Variants in FNBP4 observed in about 807,000 individuals in gnomAD.
FNBP4 encodes formin binding protein 4, also known as formin-binding protein 4.
A neutral mutation model predicts 119.3 loss-of-function variants in FNBP4; 34 were observed. The observed-to-expected ratio is 0.28, with a 90% CI of 0.22 to 0.38. The LOEUF (loss-of-function observed/expected upper bound fraction) is 0.38. Ranked by LOEUF, FNBP4 falls within the 10% of genes least tolerant of loss-of-function variation. The pLI is 1.00. For synonymous variants in FNBP4, 462 were observed against 430.6 expected, an observed-to-expected ratio of 1.07 and a Z score of -0.90; for missense variants, 1,112 against 1,228.9, an observed-to-expected ratio of 0.90 and a Z score of 1.42.
At chr11:47,760,913 T>C (rs561536756) in intron 2 of FNBP4, among the ~76,000 whole-genome samples, 5 of 152,250 alleles carry the variant, frequency 3.3e-5, no homozygotes, top group African/African-American at 1.2e-4. Flanking sequence ...GCTACAAAAC[T>C]CAAGTTTATT....
At chr11:47,743,361 T>TG (rs2097584982) in intron 8 of FNBP4, among the ~76,000 whole-genome samples, 1 of 152,034 alleles carries the variant, frequency 6.6e-6, no homozygotes, top group African/African-American at 2.4e-5. Flanking sequence ...CAGGCACCTA[T>TG]AATCCCAGCT....
At chr11:47,742,512 C>T (rs1185066589) in intron 8 of FNBP4, among the ~76,000 whole-genome samples, 14 of 87,888 alleles carry the variant, frequency 1.6e-4, no homozygotes, top group East Asian at 7.5e-4. Context: ...AAAAGGACCA[C>T]GGGGTAGGGA....
At chr11:47,763,464 G>T (rs1218571134) in intron 2 of FNBP4, among the ~76,000 whole-genome samples, 1 of 145,564 alleles carries the variant, frequency 6.9e-6, no homozygotes, top group Non-Finnish European at 1.5e-5. Flanking sequence ...TAAAGCCTGA[G>T]AAAGCATGGT....
At chr11:47,756,852 T>C (rs2097619979) in intron 2 of FNBP4, among the ~76,000 whole-genome samples, 1 of 152,178 alleles carries the variant, frequency 6.6e-6, no homozygotes, top group Non-Finnish European at 1.5e-5. Context: ...GCTTCATCCA[T>C]GTCCCTACAA....
intron 1 of FNBP4, among the ~76,000 whole-genome samples, chr11:47,766,849 A>G (rs182059681): frequency 3.2e-4 from 49 of 151,918 alleles, no homozygotes; most frequent in African/African-American, 1.2e-3. Context: ...CAAGCCCTGC[A>G]CCACAGATGG....
intron 11 of FNBP4, chr11:47,731,900 A>G (rs1316893075): frequency 9.8e-7 from 1 of 1,020,692 alleles, no homozygotes; most frequent in South Asian, 4.5e-5. Context: ...CTAGAACACT[A>G]ATTTCCCTTC....
intron 8 of FNBP4, among the ~76,000 whole-genome samples, chr11:47,742,419 A>C (rs903056082): frequency 3.1e-5 from 4 of 127,350 alleles, no homozygotes; most frequent in Non-Finnish European, 6.4e-5. Flanking sequence ...TGGAGGTTCC[A>C]GTGAGCAGAG....
At chr11:47,766,622 G>A (rs1214404816) in intron 1 of FNBP4, among the ~76,000 whole-genome samples, 1 of 152,226 alleles carries the variant, frequency 6.6e-6, no homozygotes, top group Non-Finnish European at 1.5e-5. Context: ...ATGCTTACTA[G>A]CTGGAATATT....
At chr11:47,723,930 T>A in intron 14 of FNBP4, 98 bp downstream of exon 14, 1 of 1,074,850 alleles carries the variant, frequency 9.3e-7, no homozygotes, top group Non-Finnish European at 1.3e-6. Flanking sequence ...GTCTTTGCAA[T>A]CAAGAGCCTT....
At chr11:47,745,866 C>G (rs969684379) in intron 7 of FNBP4, among the ~76,000 whole-genome samples, 190 bp downstream of exon 7, 9 of 151,992 alleles carry the variant, frequency 5.9e-5, no homozygotes, top group African/African-American at 1.9e-4. Flanking sequence ...CGATAACTAC[C>G]AAAAGTATCA....
At position 47,724,550 on chromosome 11, in the gene FNBP4, C is replaced by T; in HGVS notation, c.2237G>A (p.Gly746Glu). ...EIQEVEMEDE[G>E]SEEPPAPGTE... is the part of the protein sequence containing the mutation. ...TCCTGGGGCAGGGGGCTCCTCACTT[C>T]CCTCATCCTCCATCTCTACCTCCTG... The change falls in exon 13 of 17, where the codon GGA becomes GAA. Residue 746 changes from glycine to glutamate, a missense_variant. By Grantham distance (98) the Gly-to-Glu change is moderately conservative. Around this residue, in one of 2 missense-constraint regions of FNBP4, gnomAD observed 826 missense variants for 988.8 expected, o/e 0.84. Transcript: ENST00000263773. The T allele has an allele frequency of 1.9e-6, 3 of 1,614,162 alleles. No individual in the cohort carries two copies. Among genetic ancestry groups the T allele is most frequent in the Non-Finnish European group, 2.5e-6 (3 of 1,180,028 alleles).
In FNBP4 at chr11:47,717,133, G is replaced by C. The variant is rs909419964; in HGVS notation, c.*289C>G. 2 of 272,270 alleles carry C rather than the reference G, an allele frequency of 7.3e-6. No individual in the cohort carries two copies. The highest frequency in any genetic ancestry group is 4.4e-5 in the African/African-American group (2 of 45,268). 16.9% of individuals were successfully genotyped at this position (272,270 alleles called of 1,614,324 possible). On this transcript the variant is annotated 3_prime_UTR_variant, in exon 17 of 17. Transcript: ENST00000263773. ...CTCTACAGAAGTGTTATACTCATGA[G>C]CCACATGTTCTTCAAGACTGATGAG...
At position 47,722,007 on chromosome 11, in the gene FNBP4, CAAAAAAAAAAAAAAAAAAAAAAAAAAAAA is replaced by C. The variant is rs527328887; in HGVS notation, c.2805+940_2805+968del. Among the ~76,000 whole-genome samples the C allele has an allele frequency of 1.5e-3, 62 of 41,288 alleles. 1 individual carries two copies. The highest frequency in any genetic ancestry group is 4.8e-3 in the African/African-American group (55 of 11,480). The allele number at this position is 41,288 out of a possible 152,430, so 27.1% of individuals were successfully genotyped here. ...GGGGTGGTGGCGGATGTCTCTGACT[CAAAAAAAAAAAAAAAAAAAAAAAAAAAAA>C]AAAAAAAAAAAAAAAAAGGAAAAAA... On this transcript the variant is annotated intron_variant, in intron 15 of 16. Coordinates refer to ENST00000263773, the MANE Select transcript of FNBP4 (RefSeq NM_015308.5).
intron 6 of FNBP4, among the ~76,000 whole-genome samples, chr11:47,747,044 A>T (rs576757724): frequency 6.7e-6 from 1 of 148,618 alleles, no homozygotes; most frequent in African/African-American, 2.5e-5. Context: ...ATGATGAGAA[A>T]TTTTTTTTTT....
At position 47,738,847 on chromosome 11, in the gene FNBP4, A is replaced by ATTTTTTTTTTTT. The variant is rs71045510; in HGVS notation, c.1457-2119_1457-2108dup. On this transcript the variant is annotated intron_variant, in intron 8 of 16. Coordinates refer to ENST00000263773, the MANE Select transcript of FNBP4 (RefSeq NM_015308.5). ...AGGTGTTTGCCACCATGCCCAGGTA[A>ATTTTTTTTTTTT]TTTTTTTTTTTTTTTTTTTTTTTTT... Among the ~76,000 whole-genome samples the ATTTTTTTTTTTT allele has an allele frequency of 2.4e-4, 27 of 110,982 alleles. 4 individuals carry two copies. Among genetic ancestry groups the ATTTTTTTTTTTT allele is most frequent in the South Asian group, 6.7e-4 (2 of 2,988 alleles). The allele number at this position is 110,982 out of a possible 152,430, so 72.8% of individuals were successfully genotyped here.
At position 47,732,384 on chromosome 11, in the gene FNBP4, A is replaced by G; in HGVS notation, c.1820+153T>C. 1 of 1,513,324 alleles carries G rather than the reference A, an allele frequency of 6.6e-7. No individual in the cohort carries two copies. Among genetic ancestry groups the G allele is most frequent in the Non-Finnish European group, 8.8e-7 (1 of 1,133,438 alleles). 93.7% of individuals were successfully genotyped at this position (1,513,324 alleles called of 1,614,324 possible). A position where few individuals can be genotyped will look rare whatever the true frequency, so the allele number is the denominator to read the frequency against. The stretch of plus-strand genomic sequence containing the variant: ...TGTTTCTCCAATGTGTGGCTGGCCA[A>G]ACTTTGTGCTTGCGGTGCTTTGCCT... On this transcript the variant is annotated intron_variant, in intron 11 of 16. Transcript: ENST00000263773. The surrounding 1 kb of genome is among the most constrained non-coding windows in gnomAD (Gnocchi z 4.2).
chr11:47,724,377 G>A (rs1388193651), intron 13 of FNBP4, 91 bp downstream of exon 13: 40 of 1,591,710 alleles, frequency 2.5e-5, no homozygotes, highest in Admixed American at 2.4e-4. Context: ...CACCGTGCCC[G>A]GCCTTTAAAC....
chr11:47,725,770 AG>A, intron 12 of FNBP4: 1 of 982,278 alleles, frequency 1.0e-6, no homozygotes, highest in Non-Finnish European at 1.2e-6. Context: ...TATCGTCAAT[AG>A]GGAAGTTTCA....
At position 47,729,666 on chromosome 11, in the gene FNBP4, A is replaced by C. The variant is rs757915599; in HGVS notation, c.2008+1708T>G. ...CTCGGACTACAGGCGTGGGCCACTA[A>C]CTATGCCTGGCTAACTTTTTAAAAC... On this transcript the variant is annotated intron_variant, in intron 12 of 16. Coordinates refer to ENST00000263773, the MANE Select transcript of FNBP4 (RefSeq NM_015308.5). 223 of 977,320 alleles carry C rather than the reference A, an allele frequency of 2.3e-4. 3 individuals carry two copies. The highest frequency in any genetic ancestry group is 6.7e-5 in the Non-Finnish European group (55 of 822,574). The allele number at this position is 977,320 out of a possible 1,614,324, so 60.5% of individuals were successfully genotyped here. A position where few individuals can be genotyped will look rare whatever the true frequency, so the allele number is the denominator to read the frequency against.
Sources: gnomAD v4.1 joint callset for allele counts (sites outside exome capture counted in the v4.1 genomes callset) on GRCh38, gnomAD v4.1.1 for gene constraint, gnomAD v4.1.1 regional missense constraint, Gnocchi (gnomAD v3.1) non-coding constraint, MANE v1.5 for transcripts, NCBI Gene and HGNC (gene_info 2026-07-23, HGNC 2026-07-21) for gene names.